SERGEF: variants seen among roughly 807,000 people sequenced by gnomAD.
The protein encoded by SERGEF is secretion-regulating guanine nucleotide exchange factor.
SERGEF carries 51 observed loss-of-function variants against 50.0 expected under a neutral mutation model. The ratio of observed to expected loss-of-function variants is 1.02; its 90% CI spans 0.81 to 1.29. The LOEUF (loss-of-function observed/expected upper bound fraction) is 1.29, where lower values mean the gene tolerates loss of function less well. Among genes scored for constraint, SERGEF ranks in the 50% most tolerant of loss-of-function variants. The pLI is 0.00. For missense variants in SERGEF, 521 were observed against 557.0 expected (o/e 0.94, Z 0.65); for synonymous variants, 205 against 212.4 (o/e 0.97, Z 0.30).
intron 10 of SERGEF, among the ~76,000 whole-genome samples, chr11:17,857,252 T>G (rs1850837451): frequency 6.6e-6 from 1 of 152,222 alleles, no homozygotes; most frequent in South Asian, 2.1e-4. Context: ...ACTTGCTGTG[T>G]GACTTAGGGC....
In SERGEF at chr11:18,006,579, G is replaced by C. The variant is rs201282079; in HGVS notation, c.352+12C>G. 4 of 1,612,590 alleles carry C rather than the reference G, an allele frequency of 2.5e-6. No homozygotes were observed. In the African/African-American group the frequency reaches 5.3e-5, roughly 22 times the overall value. Reference sequence around the variant, plus strand: ...TTTGTGGTGACAAAAATCTACCTAGGAGTGAACTCACCTGTGAGCATAATC... The same window carrying C: ...TTTGTGGTGACAAAAATCTACCTAGCAGTGAACTCACCTGTGAGCATAATC... On this transcript the variant is annotated intron_variant, in intron 3 of 10. Transcript: ENST00000265965.
At chr11:17,830,538 G>T (rs1850274875) in intron 10 of SERGEF, among the ~76,000 whole-genome samples, 1 of 151,552 alleles carries the variant, frequency 6.6e-6, no homozygotes. Flanking sequence ...GAGAGTGAGA[G>T]AGAGGAAGAG....
rs145365114 is a variant in SERGEF, at chr11:17,900,763, A to G, written c.1012-22519T>C. 4.9e-3 allele frequency among the ~76,000 whole-genome samples: 749 copies of G among 152,326 alleles called. 5 individuals carry two copies. The highest frequency in any genetic ancestry group is 0.017 in the African/African-American group (717 of 41,562). ...AGTATATTTATGTGTGTGGAAGCAT[A>G]CAATGGGGAGACTGGCCTTAGGAAA... On this transcript the variant is annotated intron_variant, in intron 9 of 10. Coordinates refer to ENST00000265965, the MANE Select transcript of SERGEF (RefSeq NM_012139.4).
At chr11:17,875,441 G>C (rs1392687538) in intron 10 of SERGEF, among the ~76,000 whole-genome samples, 1 of 152,202 alleles carries the variant, frequency 6.6e-6, no homozygotes, top group African/African-American at 2.4e-5. Flanking sequence ...CTCCCAGATC[G>C]GGGAGATGGA....
intron 10 of SERGEF, among the ~76,000 whole-genome samples, chr11:17,839,701 C>A (rs375130847): frequency 6.6e-6 from 1 of 152,184 alleles, no homozygotes; most frequent in African/African-American, 2.4e-5. Context: ...ACCATCCACG[C>A]GCACATGCCA....
At chr11:17,920,203 C>A (rs542592801) in intron 9 of SERGEF, among the ~76,000 whole-genome samples, 1 of 150,566 alleles carries the variant, frequency 6.6e-6, no homozygotes, top group African/African-American at 2.4e-5. Context: ...ACCGAGATTG[C>A]GCCACTGCAC....
intron 10 of SERGEF, among the ~76,000 whole-genome samples, chr11:17,796,290 T>C (rs1347059951): frequency 2.0e-5 from 3 of 152,220 alleles, no homozygotes; most frequent in African/African-American, 7.2e-5. Context: ...GATGGTCCTA[T>C]TGGGCCTGGC....
Position 17,995,869 on chromosome 11 carries a change from T to A in SERGEF, c.549A>T (p.Ser183=). The change falls in exon 6 of 11, where the codon TCA becomes TCT. Residue 183 remains serine, a synonymous_variant. Coordinates refer to ENST00000265965, the MANE Select transcript of SERGEF (RefSeq NM_012139.4). ...GCCCAGGGCACAACCGTCGTCCACA[T>A]GATGCCAAACCAGTCCCCCACTGGA... ...IVFQWGTGLA[S]CGRRLCPGQT... is the part of the protein sequence containing the mutation. The A allele has an allele frequency of 1.9e-6, 3 of 1,614,036 alleles. No homozygotes were observed. The highest frequency in any genetic ancestry group is 2.7e-5 in the African/African-American group (2 of 75,022).
chr11:17,791,588 A>C (rs988519947), intron 10 of SERGEF, among the ~76,000 whole-genome samples: 3 of 152,226 alleles, frequency 2.0e-5, no homozygotes, highest in African/African-American at 7.2e-5. Flanking sequence ...CTATCTGCTT[A>C]TATCTTTTTC....
chr11:17,963,364 T>TAAAAAAAA (rs1174880141), intron 8 of SERGEF, among the ~76,000 whole-genome samples: 1 of 49,878 alleles, frequency 2.0e-5, no homozygotes, highest in Non-Finnish European at 3.6e-5. Context: ...TTACTATTAG[T>TAAAAAAAA]AAAAAAAAAA....
chr11:18,008,121 C>T (rs747657932), intron 1 of SERGEF, 45 bp from the exon 2 acceptor site: 2 of 1,583,844 alleles, frequency 1.3e-6, no homozygotes, highest in South Asian at 2.3e-5. Context: ...GGAACCACAA[C>T]TGTCAATGTC....
intron 9 of SERGEF, among the ~76,000 whole-genome samples, chr11:17,896,676 GAAGGGGAAGGGA>G (rs1405230179): frequency 2.6e-5 from 3 of 113,652 alleles, no homozygotes; most frequent in Admixed American, 1.7e-4. Flanking sequence ...AACGGGAAGG[GAAGGGGAAGGGA>G]AAGGGGAAGG....
At chr11:17,855,623 G>A (rs143616167) in intron 10 of SERGEF, 4 of 152,186 alleles carry the variant, frequency 2.6e-5, no homozygotes, top group Admixed American at 6.5e-5. Flanking sequence ...ATTTCATCAC[G>A]CTACTCAAAA....
intron 9 of SERGEF, among the ~76,000 whole-genome samples, chr11:17,922,937 A>T (rs186165154): frequency 6.6e-6 from 1 of 152,286 alleles, no homozygotes; most frequent in Admixed American, 6.5e-5. Flanking sequence ...TAAAACTGCC[A>T]TCCTAGTCTC....
intron 7 of SERGEF, among the ~76,000 whole-genome samples, chr11:17,989,907 T>C (rs573307120): frequency 6.6e-6 from 1 of 152,266 alleles, no homozygotes; most frequent in Non-Finnish European, 1.5e-5. Flanking sequence ...GATATATTAT[T>C]AAAATTAATC....
intron 10 of SERGEF, among the ~76,000 whole-genome samples, chr11:17,794,036 C>T (rs1249655654): frequency 1.3e-5 from 2 of 152,180 alleles, no homozygotes; most frequent in Non-Finnish European, 2.9e-5. Context: ...GACTGCAGCC[C>T]AGTGCTAGGG....
At chr11:17,896,591 GGGAA>G (rs1851629994) in intron 9 of SERGEF, among the ~76,000 whole-genome samples, 1 of 18,620 alleles carries the variant, frequency 5.4e-5, no homozygotes, top group Non-Finnish European at 1.1e-4. Flanking sequence ...GGAAGGGGAA[GGGAA>G]GGGAAGGGGA....
At chr11:17,983,514 C>T (rs1409662361) in intron 8 of SERGEF, among the ~76,000 whole-genome samples, 1 of 152,182 alleles carries the variant, frequency 6.6e-6, no homozygotes, top group Admixed American at 6.5e-5. Context: ...TGCTTTAATA[C>T]ATCATCTCTT....
At chr11:17,958,760 T>C (rs1461708677) in intron 9 of SERGEF, among the ~76,000 whole-genome samples, 1 of 152,212 alleles carries the variant, frequency 6.6e-6, no homozygotes, top group African/African-American at 2.4e-5. Flanking sequence ...TTTCAAGCTG[T>C]TGTGCACACT....
Sources: gnomAD v4.1 joint callset for allele counts (sites outside exome capture counted in the v4.1 genomes callset) on GRCh38, gnomAD v4.1.1 for gene constraint, MANE v1.5 for transcripts, NCBI Gene and HGNC (gene_info 2026-07-23, HGNC 2026-07-21) for gene names.